Variants in TLE1 observed in about 807,000 individuals in gnomAD.
The protein encoded by TLE1 is transducin-like enhancer protein 1.
Under a neutral mutation model 89.8 loss-of-function variants are expected in TLE1, and 21 were observed. The observed-to-expected ratio is 0.23, with a 90% CI of 0.17 to 0.34. TLE1 has a LOEUF of 0.34. TLE1 is among the 10% of genes least tolerant of loss of function. TLE1 has a pLI of 1.00. For synonymous variants in TLE1, 447 were observed against 407.6 expected (o/e 1.10, Z -1.16); for missense variants, 795 against 1,031.2 (o/e 0.77, Z 3.14).
At chr9:81,645,000 CAAAAAAAA>C (rs150421441) in intron 6 of TLE1, among the ~76,000 whole-genome samples, 1 of 64,910 alleles carries the variant, frequency 1.5e-5, no homozygotes, top group Non-Finnish European at 2.7e-5. Context: ...GACACTGTCT[CAAAAAAAA>C]AAAAAAAAAA....
intron 6 of TLE1, 114 bp downstream of exon 6, chr9:81,652,100 T>C (rs1829617875): frequency 4.9e-6 from 4 of 812,182 alleles, no homozygotes; most frequent in Non-Finnish European, 7.1e-6. Flanking sequence ...TAGGTCAACG[T>C]TAAGATACAC....
chr9:81,662,876 C>T (rs1224798096), intron 4 of TLE1, among the ~76,000 whole-genome samples: 1 of 151,868 alleles, frequency 6.6e-6, no homozygotes, highest in South Asian at 2.1e-4. Flanking sequence ...GAGACAGGGT[C>T]TCACCCTGTT....
chr9:81,621,200 A>G (rs953828100), intron 8 of TLE1, among the ~76,000 whole-genome samples: 3 of 152,238 alleles, frequency 2.0e-5, no homozygotes, highest in African/African-American at 7.2e-5. Context: ...ACACAAAAGC[A>G]GGAACAAGGA....
At chr9:81,663,426 C>G (rs1255236334) in intron 4 of TLE1, among the ~76,000 whole-genome samples, 2 of 152,120 alleles carry the variant, frequency 1.3e-5, no homozygotes, top group Non-Finnish European at 2.9e-5. Flanking sequence ...CAAGAAAGAG[C>G]TGATGAACTC....
chr9:81,598,822 A>G (rs1336342459), intron 14 of TLE1, among the ~76,000 whole-genome samples: 2 of 152,188 alleles, frequency 1.3e-5, no homozygotes, highest in African/African-American at 4.8e-5. Flanking sequence ...GCTTTCCCCT[A>G]AGCCAGCTAA....
chr9:81,629,811 C>A (rs577450910), intron 8 of TLE1, among the ~76,000 whole-genome samples: 1 of 152,132 alleles, frequency 6.6e-6, no homozygotes, highest in African/African-American at 2.4e-5. Flanking sequence ...AGTAAAAATA[C>A]GGTGTTATAC....
chr9:81,617,132 G>GAA (rs1824631037), intron 9 of TLE1, among the ~76,000 whole-genome samples: 1 of 63,018 alleles, frequency 1.6e-5, no homozygotes, highest in Non-Finnish European at 2.7e-5. Flanking sequence ...ACTAGTTAAT[G>GAA]CAAAAAAAAA....
In TLE1 at chr9:81,595,691, C is replaced by T. The variant is rs187931026; in HGVS notation, c.1332-2417G>A. On this transcript the variant is annotated intron_variant, in intron 14 of 19. Transcript: ENST00000376499. ...AAAATCAGCCGGGTATGGTGGCGGG[C>T]GCTTGTAGTCCCAGCTACTCGGGAG... 5.4e-4 allele frequency among the ~76,000 whole-genome samples: 82 copies of T among 151,606 alleles called. No homozygotes were observed. In the East Asian group the frequency reaches 6.2e-3, roughly 12 times the overall value.
intron 16 of TLE1, 118 bp from the exon 17 acceptor site, chr9:81,587,946 G>GTGTGTGTGTGTGTGTGTGTA: frequency 8.6e-7 from 1 of 1,160,688 alleles, no homozygotes; most frequent in Admixed American, 2.5e-5. Context: ...GTGTGTGTGT[G>GTGTGTGTGTGTGTGTGTGTA]ATCCCGCCAG....
At chr9:81,664,655 G>C (rs2132827548) in intron 4 of TLE1, among the ~76,000 whole-genome samples, 1 of 152,042 alleles carries the variant, frequency 6.6e-6, no homozygotes, top group South Asian at 2.1e-4. Context: ...TTGAGCCCAG[G>C]AGTTTGAAAC....
intron 14 of TLE1, chr9:81,600,167 CAA>C (rs924824051): frequency 1.4e-6 from 1 of 703,554 alleles, no homozygotes; most frequent in South Asian, 1.5e-5. Context: ...GAAAGTAAAA[CAA>C]AAAGAGGCTT....
At chr9:81,681,864 T>A (rs1323992415) in intron 4 of TLE1, among the ~76,000 whole-genome samples, 1 of 152,150 alleles carries the variant, frequency 6.6e-6, no homozygotes. Context: ...ATGAAGTTCA[T>A]CAGCACAAAG....
chr9:81,671,232 G>A (rs1304370260), intron 4 of TLE1, among the ~76,000 whole-genome samples: 1 of 152,024 alleles, frequency 6.6e-6, no homozygotes, highest in Non-Finnish European at 1.5e-5. Context: ...TGTATTCTTA[G>A]GCTGGGTATG....
chr9:81,607,337 TACAC>T (rs3063325), intron 14 of TLE1, among the ~76,000 whole-genome samples: 5,763 of 150,360 alleles, frequency 0.038, 148 homozygotes, highest in Middle Eastern at 0.062. Context: ...ACCCTGTTAA[TACAC>T]ACACACACAC....
intron 14 of TLE1, among the ~76,000 whole-genome samples, chr9:81,597,659 A>T (rs1587898306): frequency 6.6e-6 from 1 of 152,184 alleles, no homozygotes; most frequent in African/African-American, 2.4e-5. Flanking sequence ...AAGCTCCTAC[A>T]GATCAGGATC....
rs1394127196 is a variant in TLE1 at position 81,633,995 on chromosome 9, G to C, written c.577+102C>G. ...GACAGTTCCTCTTATCTCATTGTTT[G>C]CTCTCTGTATAGGTTGGGGCTCTCT... On this transcript the variant is annotated intron_variant, in intron 7 of 19. Coordinates refer to ENST00000376499, the MANE Select transcript of TLE1 (RefSeq NM_005077.5). 2.5e-5 allele frequency: 31 copies of C among 1,226,632 alleles called. No homozygotes were observed. The Admixed American group carries it at 2.7e-4, about 11-fold the overall frequency. The allele number at this position is 1,226,632 out of a possible 1,614,324, so 76.0% of individuals were successfully genotyped here.
chr9:81,641,342 G>A (rs1431292606), intron 6 of TLE1, among the ~76,000 whole-genome samples: 1 of 152,112 alleles, frequency 6.6e-6, no homozygotes, highest in Non-Finnish European at 1.5e-5. Context: ...TTATGTGAAT[G>A]GCCTCTCACG....
At chr9:81,608,451 C>T (rs1158826600) in intron 14 of TLE1, among the ~76,000 whole-genome samples, 1 of 152,086 alleles carries the variant, frequency 6.6e-6, no homozygotes, top group African/African-American at 2.4e-5. Flanking sequence ...GAGGTCGAGG[C>T]TGCAGTGAGC....
At chr9:81,665,136 C>A (rs1316859884) in intron 4 of TLE1, among the ~76,000 whole-genome samples, 1 of 152,192 alleles carries the variant, frequency 6.6e-6, no homozygotes, top group African/African-American at 2.4e-5. Flanking sequence ...GAGAGCTGCC[C>A]TCTCACACAT....
Sources: allele counts gnomAD v4.1 joint callset (sites outside exome capture counted in the v4.1 genomes callset), GRCh38; gene constraint gnomAD v4.1.1; transcripts MANE v1.5; gene names NCBI Gene and HGNC (gene_info 2026-07-23, HGNC 2026-07-21).